Variants in CEP295 observed in about 807,000 individuals in gnomAD.
The protein encoded by CEP295 is centrosomal protein 295, also known as centrosomal protein of 295 kDa.
Under a neutral mutation model 291.6 loss-of-function variants are expected in CEP295, and 190 were observed. That is an observed-to-expected ratio of 0.65 (90% CI 0.58 to 0.73). The LOEUF (loss-of-function observed/expected upper bound fraction) is 0.73, where lower values mean the gene tolerates loss of function less well. CEP295 is among the 30% of genes least tolerant of loss of function. The pLI is 0.00. For synonymous variants in CEP295, 993 were observed against 1,038.8 expected, an observed-to-expected ratio of 0.96 and a Z score of 0.85; for missense variants, 2,863 against 2,949.4, an observed-to-expected ratio of 0.97 and a Z score of 0.68.
At chr11:93,702,253 C>T (rs1003402102) in intron 15 of CEP295, among the ~76,000 whole-genome samples, 1 of 152,178 alleles carries the variant, frequency 6.6e-6, no homozygotes, top group South Asian at 2.1e-4. Context: ...GCCACCGCGC[C>T]TGGCCGAATG....
Position 93,667,708 on chromosome 11 carries a change from A to G in CEP295, c.210A>G (p.Glu70=), listed in dbSNP as rs1950254291. ...FTRLAEELRA[E]WEESQTQKIQ... ...GTTTGGCAGAGGAGCTAAGGGCAGAATGGGAAGAATCACAAACTCAGAAAA... is the reference window on the plus strand; with the variant it reads ...GTTTGGCAGAGGAGCTAAGGGCAGAGTGGGAAGAATCACAAACTCAGAAAA... Residue 70 remains glutamate, a synonymous_variant, in exon 3 of 30, where the codon GAA becomes GAG. Transcript: ENST00000325212. The G allele has an allele frequency of 6.4e-6, 10 of 1,551,548 alleles. No individual in the cohort carries two copies. Among genetic ancestry groups the G allele is most frequent in the Non-Finnish European group, 8.7e-6 (10 of 1,146,826 alleles).
rs1008478613 is a variant in CEP295 at position 93,698,053 on chromosome 11, A to G, written c.3141A>G (p.Leu1047=). 1.3e-6 allele frequency: 2 copies of G among 1,551,754 alleles called. No individual in the cohort carries two copies. Among genetic ancestry groups the G allele is most frequent in the Non-Finnish European group, 1.7e-6 (2 of 1,147,026 alleles). ...CTCAGGATGGGTCTTTGAGTTTCCT[A>G]CAGCAGTTCCTACCTCTACATGATA... The part of the protein sequence containing the change: ...PISQDGSLSF[L]QQFLPLHDSL... The change falls in exon 15 of 30, where the codon CTA becomes CTG. Residue 1047 remains leucine, a synonymous_variant. Coordinates refer to ENST00000325212, the MANE Select transcript of CEP295 (RefSeq NM_033395.2).
chr11:93,687,876 C>A lies in CEP295; in HGVS notation c.1336+11C>A. The A allele has an allele frequency of 6.6e-7, 1 of 1,526,078 alleles. No individual in the cohort carries two copies. Among genetic ancestry groups the A allele is most frequent in the Non-Finnish European group, 8.8e-7 (1 of 1,132,374 alleles). The allele number at this position is 1,526,078 out of a possible 1,614,324, so 94.5% of individuals were successfully genotyped here. On this transcript the variant is annotated intron_variant, in intron 10 of 29. Transcript: ENST00000325212. The stretch of plus-strand genomic sequence containing the variant: ...CTGGGCAGGAACAAGGTATTTCTCT[C>A]CAAGAGTCTCATTTTCTATAAACCC...
At chr11:93,720,062 T>TAAA (rs11371094) in intron 18 of CEP295, among the ~76,000 whole-genome samples, 3 of 144,732 alleles carry the variant, frequency 2.1e-5, no homozygotes, top group African/African-American at 5.1e-5. Flanking sequence ...TAGAAAGCTG[T>TAAA]AAAAAAAAAA....
intron 10 of CEP295, among the ~76,000 whole-genome samples, chr11:93,688,433 G>A (rs1001956638): frequency 2.0e-5 from 3 of 152,124 alleles, no homozygotes; most frequent in African/African-American, 7.2e-5. Flanking sequence ...AAATGTGATT[G>A]GATTTGTATA....
chr11:93,671,808 T>C (rs529636252), intron 5 of CEP295, among the ~76,000 whole-genome samples: 4 of 152,228 alleles, frequency 2.6e-5, no homozygotes, highest in African/African-American at 9.6e-5. Flanking sequence ...ATACACAGGA[T>C]ATAGATGCAT....
Position 93,697,694 on chromosome 11 carries a change from G to A in CEP295, c.2782G>A (p.Val928Met). Residue 928 changes from valine (V) to methionine (M), a missense_variant, in exon 15 of 30, where the codon GTG becomes ATG. Val to Met is a conservative substitution (Grantham distance 21). Transcript: ENST00000325212. ...NNIAVSSDHH[V>M]ISQLQDKRLS... ...TATTGCAGTTTCCTCAGACCATCAT[G>A]TGATCTCACAACTTCAGGATAAGCG... is the stretch of plus-strand genomic sequence containing the variant. 1.3e-6 allele frequency: 2 copies of A among 1,551,740 alleles called. No homozygotes were observed. Among genetic ancestry groups the A allele is most frequent in the African/African-American group, 1.4e-5 (1 of 73,174 alleles).
Position 93,728,816 on chromosome 11 carries a change from T to C in CEP295, c.7297T>C (p.Phe2433Leu). 1 of 1,536,870 alleles carries C rather than the reference T, an allele frequency of 6.5e-7. No individual in the cohort carries two copies. Among genetic ancestry groups the C allele is most frequent in the South Asian group, 1.2e-5 (1 of 80,988 alleles). ...GAGCGAGAATGAAGCAAAATGCTTC[T>C]TTCAGGTAAATTTAAGCTTTCCTTC... ...EKSENEAKCF[F>L]QVSEFLPLVS... The change falls in exon 25 of 30, where the codon TTT (phenylalanine) becomes CTT (leucine). Residue 2433 changes from phenylalanine (F) to leucine (L), a missense_variant. This residue lies in a region of CEP295 where 2,295 missense variants were observed against 2,335.7 expected (regional missense o/e 0.98). Coordinates refer to ENST00000325212, the MANE Select transcript of CEP295 (RefSeq NM_033395.2).
intron 18 of CEP295, chr11:93,719,754 C>T (rs1352462880): frequency 6.6e-6 from 1 of 151,972 alleles, no homozygotes; most frequent in East Asian, 1.9e-4. Flanking sequence ...GTTACATAAA[C>T]ATTTAAGAAA....
chr11:93,698,062 C>T lies in CEP295; in HGVS notation c.3150C>T (p.Phe1050=), dbSNP rs371182007. 2.6e-6 allele frequency: 4 copies of T among 1,551,752 alleles called. No individual in the cohort carries two copies. The highest frequency in any genetic ancestry group is 1.2e-5 in the South Asian group (1 of 84,046). Residue 1050 remains phenylalanine, a synonymous_variant, in exon 15 of 30, where the codon TTC becomes TTT. Coordinates refer to ENST00000325212, the MANE Select transcript of CEP295 (RefSeq NM_033395.2). ...GGTCTTTGAGTTTCCTACAGCAGTT[C>T]CTACCTCTACATGATAGTTTGAAGT... ...QDGSLSFLQQ[F]LPLHDSLKLL...
chr11:93,702,984 G>C (rs1591080866), intron 17 of CEP295, 65 bp downstream of exon 17: 2 of 1,304,904 alleles, frequency 1.5e-6, no homozygotes, highest in South Asian at 2.8e-5. Flanking sequence ...TTTTTTTTTA[G>C]ATGGAGCCTT....
chr11:93,672,189 T>C (rs572116246), intron 5 of CEP295, among the ~76,000 whole-genome samples: 2 of 152,330 alleles, frequency 1.3e-5, no homozygotes, highest in East Asian at 3.9e-4. Flanking sequence ...ATCTTTTTAC[T>C]GTGACACTTA....
Position 93,687,868 on chromosome 11 carries a change from ATTTCTCTCCAAGAG to A in CEP295, c.1336+5_1336+18del, listed in dbSNP as rs1326760863. 7 of 1,540,328 alleles carry A rather than the reference ATTTCTCTCCAAGAG, an allele frequency of 4.5e-6. No individual in the cohort carries two copies. Among genetic ancestry groups the A allele is most frequent in the Non-Finnish European group, 6.1e-6 (7 of 1,140,818 alleles). On this transcript the variant is annotated splice_donor_5th_base_variant and intron_variant, in intron 10 of 29. Coordinates refer to ENST00000325212, the MANE Select transcript of CEP295 (RefSeq NM_033395.2). ...GTTATCCTCTGGGCAGGAACAAGGT[ATTTCTCTCCAAGAG>A]TCTCATTTTCTATAAACCCTTTTAA... is the stretch of plus-strand genomic sequence containing the variant.
chr11:93,681,084 A>G (rs1452691106), intron 7 of CEP295, among the ~76,000 whole-genome samples: 1 of 152,224 alleles, frequency 6.6e-6, no homozygotes, highest in African/African-American at 2.4e-5. Context: ...GCAGTCATAA[A>G]TTGAACAGAT....
rs1248270701 is a variant in CEP295 at position 93,724,105 on chromosome 11, G to GA, written c.6197-144dup. ...TTTAAAGCATCTGCTGATCATGGGG[G>GA]AAAAACTGAAGTTTTTGTTACACTG... On this transcript the variant is annotated intron_variant, in intron 21 of 29. Coordinates refer to ENST00000325212, the MANE Select transcript of CEP295 (RefSeq NM_033395.2). 37 of 678,166 alleles carry GA rather than the reference G, an allele frequency of 5.5e-5. No homozygotes were observed. In the African/African-American group the frequency reaches 5.7e-4, roughly 10 times the overall value. The allele number at this position is 678,166 out of a possible 1,614,324, so 42.0% of individuals were successfully genotyped here.
At chr11:93,666,926 C>T (rs1420861667) in intron 2 of CEP295, 111 bp downstream of exon 2, 3 of 600,484 alleles carry the variant, frequency 5.0e-6, no homozygotes, top group African/African-American at 1.8e-5. Flanking sequence ...TCTGGGTATA[C>T]GAGAGCCCTG....
At chr11:93,682,275 G>A (rs1951012794) in intron 7 of CEP295, among the ~76,000 whole-genome samples, 1 of 152,072 alleles carries the variant, frequency 6.6e-6, no homozygotes, top group Non-Finnish European at 1.5e-5. Context: ...CCAGGGTAGA[G>A]TTCAGTGGCG....
chr11:93,724,150 G>T (rs552106878), intron 21 of CEP295, 104 bp from the exon 22 acceptor site: 1 of 1,075,982 alleles, frequency 9.3e-7, no homozygotes, highest in East Asian at 2.6e-5. Context: ...GAAAATAAGC[G>T]TTTATGAATA....
Position 93,729,730 on chromosome 11 carries a change from C to A in CEP295, c.7516C>A (p.His2506Asn). ...GCAGAAAGAAATAAGGAATAAAATT[C>A]ATGTCTCTGAAAATTCTCAAATCAA... is the stretch of plus-strand genomic sequence containing the variant. ...QRQKEIRNKI[H>N]VSENSQIKTV... Residue 2506 changes from histidine (H) to asparagine (N), a missense_variant, in exon 27 of 30, where the codon CAT becomes AAT. By Grantham distance (68) the His-to-Asn change is moderately conservative. This residue lies in a region of CEP295 where 2,295 missense variants were observed against 2,335.7 expected (regional missense o/e 0.98). Transcript: ENST00000325212. 1 of 1,549,356 alleles carries A rather than the reference C, an allele frequency of 6.5e-7. No individual in the cohort carries two copies. The highest frequency in any genetic ancestry group is 8.7e-7 in the Non-Finnish European group (1 of 1,145,334).
Sources: gnomAD v4.1 joint callset for allele counts (sites outside exome capture counted in the v4.1 genomes callset) on GRCh38, gnomAD v4.1.1 for gene constraint, gnomAD v4.1.1 regional missense constraint, MANE v1.5 for transcripts, NCBI Gene and HGNC (gene_info 2026-07-23, HGNC 2026-07-21) for gene names.